Variants in DNAH8 observed in about 807,000 individuals in gnomAD.
DNAH8 encodes the protein axonemal beta dynein heavy chain 8.
DNAH8 carries 382 observed loss-of-function variants against 562.1 expected under a neutral mutation model. The observed-to-expected ratio is 0.68, with a 90% CI of 0.63 to 0.74. DNAH8 has a LOEUF of 0.74. Ranked by LOEUF, DNAH8 falls within the 30% of genes least tolerant of loss-of-function variation. The pLI is 0.00. For missense variants in DNAH8, 5,203 were observed against 5,620.4 expected (o/e 0.93, Z 2.37); for synonymous variants, 1,881 against 1,919.4 (o/e 0.98, Z 0.52).
chr6:38,849,415 C>T (rs1186854555), intron 37 of DNAH8, among the ~76,000 whole-genome samples: 1 of 152,046 alleles, frequency 6.6e-6, no homozygotes, highest in East Asian at 1.9e-4. Context: ...CTATTGGGGC[C>T]TTTTAAATAA....
chr6:38,973,939 C>T lies in DNAH8; in HGVS notation c.12678+126C>T, dbSNP rs1040642011. The stretch of plus-strand genomic sequence containing the variant: ...AGGGTCTGGACTGCAAGATCTTATA[C>T]TATAATACTATAATCATCAAAATCT... On this transcript the variant is annotated intron_variant, in intron 84 of 92. Coordinates refer to ENST00000327475, the MANE Select transcript of DNAH8 (RefSeq NM_001206927.2). 6.6e-6 allele frequency: 4 copies of T among 609,210 alleles called. No homozygotes were observed. In the South Asian group the frequency reaches 9.9e-5, roughly 15 times the overall value. 37.7% of individuals were successfully genotyped at this position (609,210 alleles called of 1,614,324 possible). A position where few individuals can be genotyped will look rare whatever the true frequency, so the allele number is the denominator to read the frequency against.
At chr6:39,012,151 G>C in intron 89 of DNAH8, 64 bp from the exon 90 acceptor site, 6 of 1,188,604 alleles carry the variant, frequency 5.0e-6, no homozygotes, top group Non-Finnish European at 7.2e-6. Context: ...AGAAAGAAGA[G>C]GTTATTGGAA....
At chr6:38,791,419 A>C in intron 20 of DNAH8, 136 bp from the exon 21 acceptor site, 1 of 1,120,636 alleles carries the variant, frequency 8.9e-7, no homozygotes, top group Admixed American at 3.1e-5. Context: ...AATGTTCACC[A>C]AATTATGCTT....
intron 82 of DNAH8, among the ~76,000 whole-genome samples, chr6:38,954,346 T>A (rs931591150): frequency 1.3e-5 from 2 of 152,152 alleles, no homozygotes; most frequent in African/African-American, 4.8e-5. Flanking sequence ...AAAACTGATA[T>A]AACAATATGT....
intron 82 of DNAH8, among the ~76,000 whole-genome samples, chr6:38,954,042 G>T (rs1167620994): frequency 6.6e-6 from 1 of 152,116 alleles, no homozygotes; most frequent in African/African-American, 2.4e-5. Flanking sequence ...GGATGGGACA[G>T]AATCAATAAG....
At chr6:38,886,117 G>GT (rs1778901476) in intron 56 of DNAH8, among the ~76,000 whole-genome samples, 1 of 152,160 alleles carries the variant, frequency 6.6e-6, no homozygotes, top group South Asian at 2.1e-4. Flanking sequence ...AGATTCTTTA[G>GT]AATATAGGGT....
chr6:38,951,667 A>T (rs1761916415), intron 82 of DNAH8, 147 bp downstream of exon 82: 1 of 707,440 alleles, frequency 1.4e-6, no homozygotes, highest in African/African-American at 1.8e-5. Flanking sequence ...TCATCCTTTC[A>T]TACCTCCTAA....
chr6:38,762,108 G>A (rs1480398780), intron 11 of DNAH8, among the ~76,000 whole-genome samples: 1 of 151,984 alleles, frequency 6.6e-6, no homozygotes, highest in Non-Finnish European at 1.5e-5. Context: ...TTTTGCATTG[G>A]TTAGGATTAC....
At chr6:38,725,393 C>T (rs778874997) in intron 3 of DNAH8, among the ~76,000 whole-genome samples, 9 of 151,762 alleles carry the variant, frequency 5.9e-5, no homozygotes, top group South Asian at 2.1e-4. Flanking sequence ...AAATTGTCTG[C>T]GCTTCATGTC....
chr6:38,886,816 T>C lies in DNAH8; in HGVS notation c.8285T>C (p.Met2762Thr). The C allele has an allele frequency of 6.2e-7, 1 of 1,614,066 alleles. No individual in the cohort carries two copies. The highest frequency in any genetic ancestry group is 1.1e-5 in the South Asian group (1 of 91,086). Residue 2762 changes from methionine to threonine, a missense_variant, in exon 57 of 93, where the codon ATG (methionine) becomes ACG (threonine). Physicochemically the swap from Met to Thr is moderately conservative, Grantham distance 81 (BLOSUM62 -1). Coordinates refer to ENST00000327475, the MANE Select transcript of DNAH8 (RefSeq NM_001206927.2). Reference sequence around the variant, plus strand: ...ATAACTAATGAGATTGTGCGACAGATGATGGAAATGGAAGGAATGTACAGC... The same window carrying C: ...ATAACTAATGAGATTGTGCGACAGACGATGGAAATGGAAGGAATGTACAGC... ...DQITNEIVRQ[M>T]MEMEGMYSLD...
intron 53 of DNAH8, among the ~76,000 whole-genome samples, chr6:38,880,925 G>T (rs139330760): frequency 0.021 from 3,201 of 152,266 alleles, 42 homozygotes; most frequent in Non-Finnish European, 0.03. Flanking sequence ...CTACTCAGGA[G>T]GCTGAGGCAG....
chr6:39,014,162 A>G (rs1043816471), intron 91 of DNAH8, among the ~76,000 whole-genome samples: 3 of 152,218 alleles, frequency 2.0e-5, no homozygotes, highest in South Asian at 2.1e-4. Context: ...GGTGATTTCT[A>G]TGAACATATC....
At chr6:38,911,642 A>T in intron 66 of DNAH8, 56 bp downstream of exon 66, 3 of 1,184,294 alleles carry the variant, frequency 2.5e-6, no homozygotes, top group Non-Finnish European at 3.7e-6. Flanking sequence ...TTTGATAGGG[A>T]TCTCAATATT....
intron 4 of DNAH8, among the ~76,000 whole-genome samples, chr6:38,733,984 AAAAATGATGC>A (rs1488031226): frequency 3.2e-4 from 44 of 137,544 alleles, no homozygotes; most frequent in Non-Finnish European, 4.3e-4. Context: ...TAAAAAAAAA[AAAAATGATGC>A]AATTATTGGC....
At chr6:38,921,086 C>T (rs1387055003) in intron 70 of DNAH8, among the ~76,000 whole-genome samples, 1 of 152,074 alleles carries the variant, frequency 6.6e-6, no homozygotes, top group East Asian at 1.9e-4. Flanking sequence ...GAAACAAGAT[C>T]TCACTATTTT....
At chr6:38,881,935 G>A (rs1045669057) in intron 53 of DNAH8, among the ~76,000 whole-genome samples, 2 of 152,124 alleles carry the variant, frequency 1.3e-5, no homozygotes, top group African/African-American at 2.4e-5. Context: ...TTCAGTTGAT[G>A]TGGCTTTTCT....
chr6:38,929,677 T>TAAAAAAAAAAAAAA lies in DNAH8; in HGVS notation c.11274+13_11274+26dup. The stretch of plus-strand genomic sequence containing the variant: ...GGCACCACTTTCAAGGTGAGCTTTG[T>TAAAAAAAAAAAAAA]AAAAAAAAAAAAAAAGAAAGAAAGA... On this transcript the variant is annotated intron_variant, in intron 75 of 92. Coordinates refer to ENST00000327475, the MANE Select transcript of DNAH8 (RefSeq NM_001206927.2). 3.6e-6 allele frequency: 4 copies of TAAAAAAAAAAAAAA among 1,097,536 alleles called. No homozygotes were observed. The highest frequency in any genetic ancestry group is 2.3e-5 in the South Asian group (1 of 43,308). The allele number at this position is 1,097,536 out of a possible 1,614,324, so 68.0% of individuals were successfully genotyped here.
In DNAH8 at chr6:38,737,877, C is replaced by T. The variant is rs747257406; in HGVS notation, c.1021C>T (p.His341Tyr). Residue 341 changes from histidine (H) to tyrosine (Y), a missense_variant, in exon 7 of 93, where the codon CAC (histidine) becomes TAC (tyrosine). Coordinates refer to ENST00000327475, the MANE Select transcript of DNAH8 (RefSeq NM_001206927.2). ...AGACAATGTTAATTTTTCCAAACTG[C>T]ACACCTTTGAAGAAGTAACTGCTGC... is the stretch of plus-strand genomic sequence containing the variant. ...TIDNVNFSKL[H>Y]TFEEVTAAAS... 5 of 1,595,028 alleles carry T rather than the reference C, an allele frequency of 3.1e-6. No homozygotes were observed. In the East Asian group the frequency reaches 7.0e-5, roughly 22 times the overall value.
At chr6:38,920,535 A>G (rs77366790) in intron 70 of DNAH8, among the ~76,000 whole-genome samples, 1,586 of 152,250 alleles carry the variant, frequency 0.01, 32 homozygotes, top group African/African-American at 0.036. Context: ...CACTTGCAGA[A>G]TCTTTGAAAT....
Sources: gnomAD v4.1 joint callset for allele counts (sites outside exome capture counted in the v4.1 genomes callset) on GRCh38, gnomAD v4.1.1 for gene constraint, MANE v1.5 for transcripts, NCBI Gene and HGNC (gene_info 2026-07-23, HGNC 2026-07-21) for gene names.